POLA1: variants seen among roughly 807,000 people sequenced by gnomAD.
POLA1 encodes the protein DNA polymerase alpha 1, catalytic subunit.
A neutral mutation model predicts 124.0 loss-of-function variants in POLA1; 15 were observed. That is an observed-to-expected ratio of 0.12 (90% CI 0.08 to 0.19). POLA1 has a LOEUF of 0.19. Among genes scored for constraint, POLA1 ranks in the 10% least tolerant of loss-of-function variants. POLA1 has a pLI of 1.00. For synonymous variants in POLA1, 408 were observed against 389.4 expected, an observed-to-expected ratio of 1.05 and a Z score of -0.56; for missense variants, 886 against 1,103.4, an observed-to-expected ratio of 0.80 and a Z score of 2.79.
chrX:24,991,169 C>CT (rs759526888), intron 36 of POLA1, among the ~76,000 whole-genome samples: 301 of 102,615 alleles, frequency 2.9e-3, no homozygotes, highest in African/African-American at 8.3e-3. Flanking sequence ...CAATGTGTTT[C>CT]TTTTTTTTTT....
At chrX:24,808,825 A>G (rs1462111284) in intron 26 of POLA1, among the ~76,000 whole-genome samples, 1 of 112,066 alleles carries the variant, frequency 8.9e-6, no homozygotes. Flanking sequence ...AGCTTAGTTG[A>G]CAAGGAGGAC....
intron 26 of POLA1, among the ~76,000 whole-genome samples, chrX:24,755,849 A>G (rs1277443907): frequency 8.9e-6 from 1 of 112,250 alleles, no homozygotes; most frequent in Non-Finnish European, 1.9e-5. Context: ...TTTAGGAATG[A>G]TACAAGTTAG....
In POLA1 at chrX:24,741,495, G is replaced by A. The variant is rs147334287; in HGVS notation, c.2337G>A (p.Gly779=). ...PLALQITNIA[G]NIMSRTLMGG... is the part of the protein sequence containing the mutation. The stretch of plus-strand genomic sequence containing the variant: ...CATTGCAGATCACTAACATCGCTGG[G>A]AACATTATGGTAAATTTAACTTAGA... Residue 779 remains glycine (G), a synonymous_variant, in exon 21 of 37, where the codon GGG becomes GGA. Coordinates refer to ENST00000379068, the MANE Select transcript of POLA1 (RefSeq NM_001330360.2). The A allele has an allele frequency of 8.3e-7, 1 of 1,202,787 alleles. No homozygotes were observed.
In POLA1 at chrX:24,742,010, G is replaced by A. The variant is rs766771182; in HGVS notation, c.2355G>A (p.Thr785=). Residue 785 remains threonine (T), a synonymous_variant, in exon 22 of 37, where the codon ACG becomes ACA. Coordinates refer to ENST00000379068, the MANE Select transcript of POLA1 (RefSeq NM_001330360.2). ...TAAATTCCATTTAATAGTCCAGGAC[G>A]CTGATGGGTGGACGATCCGAGCGTA... is the stretch of plus-strand genomic sequence containing the variant. The part of the protein sequence containing the change: ...TNIAGNIMSR[T]LMGGRSERNE... 7 of 1,202,230 alleles carry A rather than the reference G, an allele frequency of 5.8e-6. No homozygotes were observed. Among genetic ancestry groups the A allele is most frequent in the Admixed American group, 2.2e-5 (1 of 45,088 alleles).
rs757605245 is a variant in POLA1 at position 24,809,949 on chromosome X, A to G, written c.2997+19A>G. The G allele has an allele frequency of 9.8e-7, 1 of 1,020,653 alleles. No homozygotes were observed. Among genetic ancestry groups the G allele is most frequent in the South Asian group, 2.1e-5 (1 of 46,762 alleles). 84.1% of individuals were successfully genotyped at this position (1,020,653 alleles called of 1,213,427 possible). ...ACAAAAGGTAATGTTGAGCATTTTCATTGTGTAAAACTTAAATATCATAAC... is the reference window on the plus strand; with the variant it reads ...ACAAAAGGTAATGTTGAGCATTTTCGTTGTGTAAAACTTAAATATCATAAC... On this transcript the variant is annotated intron_variant, in intron 27 of 36. Transcript: ENST00000379068.
intron 6 of POLA1, among the ~76,000 whole-genome samples, chrX:24,715,495 T>C (rs944285142): frequency 1.8e-5 from 2 of 111,288 alleles, no homozygotes; most frequent in Non-Finnish European, 1.9e-5. Context: ...TAGGTTTCAC[T>C]ATGTTGGCCA....
chrX:24,891,660 A>G (rs1406395445), intron 35 of POLA1, among the ~76,000 whole-genome samples: 1 of 111,729 alleles, frequency 9.0e-6, no homozygotes, highest in Non-Finnish European at 1.9e-5. Context: ...TCTCAATCAT[A>G]CCTTACTTTC....
At chrX:24,716,818 G>A in intron 7 of POLA1, 66 bp from the exon 8 acceptor site, 1 of 637,018 alleles carries the variant, frequency 1.6e-6, no homozygotes, top group South Asian at 2.6e-5. Context: ...TCTTTGGTCA[G>A]GGTAGGACAG....
chrX:24,864,784 C>T (rs1377674303), intron 34 of POLA1, among the ~76,000 whole-genome samples: 1 of 110,928 alleles, frequency 9.0e-6, no homozygotes, highest in Non-Finnish European at 1.9e-5. Flanking sequence ...TTTTCTCCCC[C>T]CATTTTCTTT....
intron 26 of POLA1, among the ~76,000 whole-genome samples, chrX:24,777,762 G>A (rs772287220): frequency 8.9e-6 from 1 of 111,832 alleles, no homozygotes; most frequent in South Asian, 3.8e-4. Context: ...TTGTTTAATG[G>A]GTACAGAGTT....
chrX:24,724,462 G>T lies in POLA1; in HGVS notation c.1317+11G>T. On this transcript the variant is annotated intron_variant, in intron 12 of 36. Transcript: ENST00000379068. The stretch of plus-strand genomic sequence containing the variant: ...AAGTTCAAGTCTAAGGTTTGTATTT[G>T]GCGATGATTTTTTTCCAGCTCTGTT... The T allele has an allele frequency of 1.3e-6, 1 of 796,003 alleles. No individual in the cohort carries two copies. Among genetic ancestry groups the T allele is most frequent in the South Asian group, 2.4e-5 (1 of 41,880 alleles). 65.6% of individuals were successfully genotyped at this position (796,003 alleles called of 1,213,427 possible). A position where few individuals can be genotyped will look rare whatever the true frequency, so the allele number is the denominator to read the frequency against.
rs746872361 is a variant in POLA1, at chrX:24,727,037, C to A, written c.1497C>A (p.Ile499=). 1.0e-5 allele frequency: 12 copies of A among 1,201,144 alleles called. No homozygotes were observed. Among genetic ancestry groups the A allele is most frequent in the Non-Finnish European group, 1.1e-5 (10 of 890,306 alleles). ...AACTGTTCTTGATGAACAGAAAGAT[C>A]AAAGGACCTTGTTGGCTTGAAGTAA... is the stretch of plus-strand genomic sequence containing the variant. ...SLELFLMNRK[I]KGPCWLEVKS... is the part of the protein sequence containing the mutation. Residue 499 remains isoleucine, a synonymous_variant, in exon 14 of 37, where the codon ATC becomes ATA. Transcript: ENST00000379068.
At chrX:24,939,069 C>T in intron 36 of POLA1, among the ~76,000 whole-genome samples, 1 of 112,042 alleles carries the variant, frequency 8.9e-6, no homozygotes, top group East Asian at 2.8e-4. Flanking sequence ...ATGTGTTACT[C>T]GTTCTATAAA....
intron 35 of POLA1, among the ~76,000 whole-genome samples, chrX:24,899,974 G>T (rs1710906720): frequency 9.0e-6 from 1 of 111,730 alleles, no homozygotes. Flanking sequence ...TGTCCTATAA[G>T]AGAATTTCCC....
chrX:24,888,210 G>A, intron 35 of POLA1, 88 bp downstream of exon 35: 1 of 552,742 alleles, frequency 1.8e-6, no homozygotes, highest in African/African-American at 2.2e-5. Flanking sequence ...TTTGCCCTAT[G>A]AAGATGCCCT....
intron 34 of POLA1, among the ~76,000 whole-genome samples, chrX:24,848,123 T>C (rs1196763325): frequency 8.9e-6 from 1 of 112,212 alleles, no homozygotes; most frequent in Non-Finnish European, 1.9e-5. Context: ...ATTGTCCAGA[T>C]AGAAGAATCT....
chrX:24,754,117 C>G (rs749416425), intron 26 of POLA1, among the ~76,000 whole-genome samples: 1 of 111,918 alleles, frequency 8.9e-6, no homozygotes, highest in Admixed American at 9.4e-5. Flanking sequence ...GGGCTCTAGC[C>G]TTTGTTGATG....
At chrX:24,832,106 A>G (rs1187953104) in intron 32 of POLA1, among the ~76,000 whole-genome samples, 1 of 107,667 alleles carries the variant, frequency 9.3e-6, no homozygotes, top group African/African-American at 3.3e-5. Context: ...AGGAAGCAGA[A>G]ACCACTCCTA....
At chrX:24,722,813 G>A (rs1930285849) in intron 10 of POLA1, among the ~76,000 whole-genome samples, 2 of 111,885 alleles carry the variant, frequency 1.8e-5, no homozygotes, top group Admixed American at 1.9e-4. Flanking sequence ...TCGGCCTTCC[G>A]AAGTGCTGGG....
Sources: allele counts gnomAD v4.1 joint callset (sites outside exome capture counted in the v4.1 genomes callset), GRCh38; gene constraint gnomAD v4.1.1; transcripts MANE v1.5; gene names NCBI Gene and HGNC (gene_info 2026-07-23, HGNC 2026-07-21).